The following NATD1 variants were observed in gnomAD, a reference collection of about 807,000 sequenced individuals.
NATD1 encodes the protein protein NATD1.
NATD1 carries 9 observed loss-of-function variants against 12.0 expected under a neutral mutation model. That is an observed-to-expected ratio of 0.75 (90% CI 0.45 to 1.30). The LOEUF is 1.30. NATD1 is among the 50% of genes most tolerant of loss of function. NATD1 has a pLI of 0.00. For synonymous variants in NATD1, 71 were observed against 65.9 expected (o/e 1.08, Z -0.37); for missense variants, 148 against 148.5 (o/e 1.00, Z 0.02).
Position 21,242,676 on chromosome 17 carries a change from CTGT to C in NATD1, c.*634_*636del, listed in dbSNP as rs1487985717. On this transcript the variant is annotated 3_prime_UTR_variant, in exon 3 of 3. Transcript: ENST00000611551. ...CCCCCGGCACCCACCACCAGCCCGC[CTGT>C]AGACTGCATCCTGTGTGTTCACATG... 5.2e-5 allele frequency: 8 copies of C among 152,860 alleles called. No individual in the cohort carries two copies. The highest frequency in any genetic ancestry group is 1.9e-4 in the African/African-American group (8 of 41,472). 9.5% of individuals were successfully genotyped at this position (152,860 alleles called of 1,614,324 possible). A position where few individuals can be genotyped will look rare whatever the true frequency, so the allele number is the denominator to read the frequency against.
chr17:21,253,247 G>C lies in NATD1; in HGVS notation c.18C>G (p.Ala6=). The C allele has an allele frequency of 1.0e-6, 1 of 997,512 alleles. No individual in the cohort carries two copies. The highest frequency in any genetic ancestry group is 1.2e-6 in the Non-Finnish European group (1 of 839,360). The allele number at this position is 997,512 out of a possible 1,614,324, so 61.8% of individuals were successfully genotyped here. ...GCTCCAGCGCGCCCAGCGGCACGGC[G>C]GCAGCCGAGTGCGCCATCTGCGCGC... The part of the protein sequence containing the change: MAHSA[A]AVPLGALEQG... Residue 6 remains alanine, a synonymous_variant, in exon 1 of 3, where the codon GCC becomes GCG. Coordinates refer to ENST00000611551, the MANE Select transcript of NATD1 (RefSeq NM_152914.3).
Position 21,244,132 on chromosome 17 carries a change from G to C in NATD1, c.199C>G (p.Arg67Gly), listed in dbSNP as rs372077272. ...HTEVPDAYRGRGIAKHLAKAA... is the reference protein window; with the variant it reads ...HTEVPDAYRGGGIAKHLAKAA... ...TTGGCAAGGTGCTTGGCGATGCCAC[G>C]CCCACGGTAGGCATCTGGGACCTCG... The change falls in exon 2 of 3, where the codon CGT (arginine) becomes GGT (glycine). Residue 67 changes from arginine (R) to glycine (G), a missense_variant. By Grantham distance (125) the Arg-to-Gly change is moderately radical. Transcript: ENST00000611551. The surrounding 1 kb of genome is among the most constrained non-coding windows in gnomAD (Gnocchi z 5.2). 6.2e-7 allele frequency: 1 copy of C among 1,612,484 alleles called. No homozygotes were observed. The highest frequency in any genetic ancestry group is 1.3e-5 in the African/African-American group (1 of 74,862).
chr17:21,249,785 G>A (rs767911374), intron 1 of NATD1, among the ~76,000 whole-genome samples: 4 of 152,330 alleles, frequency 2.6e-5, no homozygotes, highest in South Asian at 2.1e-4. Context: ...TTCAGAAACC[G>A]TCCTCAGATG....
chr17:21,246,837 C>A (rs184160799), intron 1 of NATD1, among the ~76,000 whole-genome samples: 1 of 152,104 alleles, frequency 6.6e-6, no homozygotes, highest in Non-Finnish European at 1.5e-5. Context: ...GGGTATGAGC[C>A]GCCCACTGGT....
chr17:21,249,550 G>A (rs138019401), intron 1 of NATD1, among the ~76,000 whole-genome samples: 12 of 152,214 alleles, frequency 7.9e-5, no homozygotes, highest in African/African-American at 2.9e-4. Flanking sequence ...ACTGCATCCA[G>A]GGGTGCTGAG....
chr17:21,242,307 A>C lies in NATD1; in HGVS notation c.*1006T>G, dbSNP rs930127727. The C allele has an allele frequency of 1.3e-5, 2 of 152,322 alleles. No individual in the cohort carries two copies. The highest frequency in any genetic ancestry group is 4.8e-5 in the African/African-American group (2 of 41,456). 9.4% of individuals were successfully genotyped at this position (152,322 alleles called of 1,614,324 possible). On this transcript the variant is annotated 3_prime_UTR_variant, in exon 3 of 3. Transcript: ENST00000611551. ...AGGAGCCCAGGGCCAGATGGGCAGC[A>C]AAGTGTATCCGGCTGTAGCCAGCCA...
At chr17:21,245,385 T>G (rs1975316602) in intron 1 of NATD1, among the ~76,000 whole-genome samples, 1 of 152,038 alleles carries the variant, frequency 6.6e-6, no homozygotes, top group Non-Finnish European at 1.5e-5. Flanking sequence ...GTTTCATGAG[T>G]TTTAACTTCA....
At chr17:21,245,019 G>T (rs549943301) in intron 1 of NATD1, among the ~76,000 whole-genome samples, 15 of 152,320 alleles carry the variant, frequency 9.8e-5, no homozygotes, top group Middle Eastern at 3.4e-3. Context: ...AAACAAGCTA[G>T]ACATGGAGTC....
chr17:21,246,514 C>CA (rs1051874015), intron 1 of NATD1, among the ~76,000 whole-genome samples: 38 of 86,336 alleles, frequency 4.4e-4, no homozygotes, highest in Admixed American at 6.6e-4. Context: ...AACTCCATCT[C>CA]AAAAAAAAAA....
In NATD1 at chr17:21,245,634, C is replaced by G. The variant is rs191425142; in HGVS notation, c.107-1410G>C. Among the ~76,000 whole-genome samples the G allele has an allele frequency of 3.7e-4, 57 of 152,330 alleles. No homozygotes were observed. In the East Asian group the frequency reaches 9.5e-3, roughly 25 times the overall value. On this transcript the variant is annotated intron_variant, in intron 1 of 2. Transcript: ENST00000611551. ...AGATGCAGGGATCCAAGTCACACAGCAGGCCAAGATGACGCTGGAGCCCAG... is the reference window on the plus strand; with the variant it reads ...AGATGCAGGGATCCAAGTCACACAGGAGGCCAAGATGACGCTGGAGCCCAG...
At position 21,242,520 on chromosome 17, in the gene NATD1, G is replaced by A. The variant is rs1370808011; in HGVS notation, c.*793C>T. The A allele has an allele frequency of 1.3e-5, 2 of 152,286 alleles. No individual in the cohort carries two copies. Among genetic ancestry groups the A allele is most frequent in the Non-Finnish European group, 2.9e-5 (2 of 68,094 alleles). The allele number at this position is 152,286 out of a possible 1,614,324, so 9.4% of individuals were successfully genotyped here. On this transcript the variant is annotated 3_prime_UTR_variant, in exon 3 of 3. Transcript: ENST00000611551. ...CAAGGGGCGGGCCTGCAGCTGCTCAGGCCCCCTTGGATCTCCTCCTGGCAG... is the reference window on the plus strand; with the variant it reads ...CAAGGGGCGGGCCTGCAGCTGCTCAAGCCCCCTTGGATCTCCTCCTGGCAG...
At chr17:21,252,003 T>A (rs891600124) in intron 1 of NATD1, among the ~76,000 whole-genome samples, 1 of 152,156 alleles carries the variant, frequency 6.6e-6, no homozygotes, top group Admixed American at 6.5e-5. Flanking sequence ...TGAGGGGGGA[T>A]GGGCTAATCA....
chr17:21,245,668 G>A (rs1381870855), intron 1 of NATD1, among the ~76,000 whole-genome samples: 1 of 152,118 alleles, frequency 6.6e-6, no homozygotes, highest in Non-Finnish European at 1.5e-5. Flanking sequence ...AGGCCTGCAG[G>A]TCCTGAGCCA....
intron 1 of NATD1, among the ~76,000 whole-genome samples, chr17:21,251,829 C>T (rs1975379452): frequency 6.6e-6 from 1 of 152,220 alleles, no homozygotes; most frequent in Non-Finnish European, 1.5e-5. Flanking sequence ...CCTGACCTCT[C>T]GCAAGCCTTT....
chr17:21,248,581 TG>T (rs1364656174), intron 1 of NATD1, among the ~76,000 whole-genome samples: 4 of 152,204 alleles, frequency 2.6e-5, no homozygotes, highest in Non-Finnish European at 5.9e-5. Flanking sequence ...GCCCCCATGA[TG>T]GGACAGCAGG....
chr17:21,247,184 T>C (rs913237748), intron 1 of NATD1, among the ~76,000 whole-genome samples: 1 of 152,322 alleles, frequency 6.6e-6, no homozygotes, highest in South Asian at 2.1e-4. Flanking sequence ...TGACCCTCAG[T>C]GATCGCACAG....
At chr17:21,251,004 G>A (rs1364690472) in intron 1 of NATD1, among the ~76,000 whole-genome samples, 2 of 152,132 alleles carry the variant, frequency 1.3e-5, no homozygotes, top group Non-Finnish European at 2.9e-5. Flanking sequence ...AGACTCAGAC[G>A]ACCCCTCTCT....
In NATD1 at chr17:21,240,074, CT is replaced by C. The variant is rs1218196220; in HGVS notation, c.*3238del. Reference sequence around the variant, plus strand: ...AGCAACTTCTTATGGCACAGCGGATCTCATGCATGGCATCACTGCCCCTTCC... The same window carrying C: ...AGCAACTTCTTATGGCACAGCGGATCCATGCATGGCATCACTGCCCCTTCC... On this transcript the variant is annotated 3_prime_UTR_variant, in exon 3 of 3. Coordinates refer to ENST00000611551, the MANE Select transcript of NATD1 (RefSeq NM_152914.3). 6.6e-6 allele frequency: 1 copy of C among 152,326 alleles called. No homozygotes were observed. Among genetic ancestry groups the C allele is most frequent in the East Asian group, 1.9e-4 (1 of 5,206 alleles). 9.4% of individuals were successfully genotyped at this position (152,326 alleles called of 1,614,324 possible).
intron 1 of NATD1, among the ~76,000 whole-genome samples, chr17:21,252,182 G>A (rs140838282): frequency 1.3e-5 from 2 of 152,296 alleles, no homozygotes; most frequent in East Asian, 3.9e-4. Flanking sequence ...GTGGGTGCCT[G>A]TAATCCCACC....
Sources: gnomAD v4.1 joint callset for allele counts (sites outside exome capture counted in the v4.1 genomes callset) on GRCh38, gnomAD v4.1.1 for gene constraint, Gnocchi (gnomAD v3.1) non-coding constraint, MANE v1.5 for transcripts, NCBI Gene and HGNC (gene_info 2026-07-23, HGNC 2026-07-21) for gene names.